The following ANKS1B variants were observed in gnomAD, a reference collection of about 807,000 sequenced individuals.
ANKS1B encodes ankyrin repeat and sterile alpha motif domain containing 1B, also known as ankyrin repeat and sterile alpha motif domain-containing protein 1B.
Under a neutral mutation model 148.3 loss-of-function variants are expected in ANKS1B, and 36 were observed. That is an observed-to-expected ratio of 0.24 (90% CI 0.19 to 0.32). The LOEUF is 0.32. Among genes scored for constraint, ANKS1B ranks in the 10% least tolerant of loss-of-function variants. ANKS1B has a pLI of 1.00. For missense variants in ANKS1B, 1,157 were observed against 1,542.6 expected (o/e 0.75, Z 4.19); for synonymous variants, 542 against 560.8 (o/e 0.97, Z 0.47).
At chr12:99,508,938 T>C (rs2096737563) in intron 9 of ANKS1B, among the ~76,000 whole-genome samples, 1 of 151,876 alleles carries the variant, frequency 6.6e-6, no homozygotes. Flanking sequence ...ATCAGCACCA[T>C]TTTTCCAACA....
intron 17 of ANKS1B, among the ~76,000 whole-genome samples, chr12:99,007,970 G>GC (rs955414591): frequency 6.6e-6 from 1 of 151,094 alleles, no homozygotes; most frequent in Non-Finnish European, 1.5e-5. Flanking sequence ...AGCTGTCCAA[G>GC]CCCCCCCACC....
intron 1 of ANKS1B, among the ~76,000 whole-genome samples, chr12:99,915,115 C>T (rs893914401): frequency 6.6e-6 from 1 of 151,064 alleles, no homozygotes; most frequent in Admixed American, 6.6e-5. Context: ...ATCCTAGCTA[C>T]TTGGGAGGCT....
chr12:99,646,618 A>G (rs1371284512), intron 9 of ANKS1B, among the ~76,000 whole-genome samples: 2 of 130,778 alleles, frequency 1.5e-5, no homozygotes, highest in East Asian at 5.2e-4. Flanking sequence ...CACGCCACTG[A>G]TTCCAGCCCG....
At chr12:99,252,077 T>C (rs1340350556) in intron 12 of ANKS1B, among the ~76,000 whole-genome samples, 2 of 152,224 alleles carry the variant, frequency 1.3e-5, no homozygotes, top group Non-Finnish European at 2.9e-5. Context: ...AGGAAGATGC[T>C]ATAAGGCAAT....
At chr12:99,566,368 T>C (rs1402123132) in intron 9 of ANKS1B, among the ~76,000 whole-genome samples, 2 of 152,186 alleles carry the variant, frequency 1.3e-5, no homozygotes, top group Non-Finnish European at 2.9e-5. Flanking sequence ...ATTTTGCTAA[T>C]AGTTCTGCAA....
Position 99,766,510 on chromosome 12 carries a change from T to C in ANKS1B, c.1128+6412A>G, listed in dbSNP as rs78182185. Among the ~76,000 whole-genome samples the C allele has an allele frequency of 1.7e-3, 261 of 152,272 alleles. 5 individuals are homozygous for C. The East Asian group carries it at 0.044, about 26-fold the overall frequency. ...TTCTGGATTTTTCCATTAATGTACC[T>C]ACAGTACATACGTGTGGTTAATGGT... On this transcript the variant is annotated intron_variant, in intron 8 of 26. Coordinates refer to ENST00000683438, the MANE Select transcript of ANKS1B (RefSeq NM_001352186.2).
chr12:98,957,239 A>T (rs9971780), intron 17 of ANKS1B, among the ~76,000 whole-genome samples: 64,630 of 151,824 alleles, frequency 0.43, 14,285 homozygotes, highest in African/African-American at 0.53. Flanking sequence ...AGCAATTGTT[A>T]ACTTGCTGCA....
At chr12:99,240,274 A>C (rs910888260) in intron 14 of ANKS1B, among the ~76,000 whole-genome samples, 2 of 152,224 alleles carry the variant, frequency 1.3e-5, no homozygotes, top group Non-Finnish European at 2.9e-5. Context: ...CTAGTCTCTG[A>C]TAAAACAGAT....
intron 4 of ANKS1B, among the ~76,000 whole-genome samples, chr12:99,789,590 A>G (rs899696889): frequency 6.6e-5 from 10 of 152,252 alleles, no homozygotes; most frequent in African/African-American, 2.4e-4. Flanking sequence ...ATTCTATCAG[A>G]TAAATTTAAC....
At chr12:98,849,230 T>TC (rs1486262979) in intron 17 of ANKS1B, among the ~76,000 whole-genome samples, 1 of 151,244 alleles carries the variant, frequency 6.6e-6, no homozygotes, top group South Asian at 2.1e-4. Flanking sequence ...CCCCAGCATT[T>TC]CTTTTTTTTT....
At chr12:99,105,975 C>T (rs1382604249) in intron 15 of ANKS1B, among the ~76,000 whole-genome samples, 1 of 152,054 alleles carries the variant, frequency 6.6e-6, no homozygotes, top group Non-Finnish European at 1.5e-5. Context: ...TGAAGCTGGT[C>T]TCCAACAAGA....
chr12:99,031,896 C>T (rs537422618), intron 17 of ANKS1B, among the ~76,000 whole-genome samples: 1 of 152,228 alleles, frequency 6.6e-6, no homozygotes, highest in South Asian at 2.1e-4. Context: ...ATTCAAACCC[C>T]AAATAAAAAC....
At chr12:99,395,619 T>C (rs943433987) in intron 12 of ANKS1B, among the ~76,000 whole-genome samples, 2 of 152,194 alleles carry the variant, frequency 1.3e-5, no homozygotes, top group Non-Finnish European at 1.5e-5. Context: ...TACATATTAA[T>C]ACTAGAGTGA....
intron 8 of ANKS1B, among the ~76,000 whole-genome samples, chr12:99,763,487 C>T (rs1414059386): frequency 6.6e-6 from 1 of 151,976 alleles, no homozygotes; most frequent in Non-Finnish European, 1.5e-5. Context: ...GAACTACAGA[C>T]AATGGGGCTT....
intron 10 of ANKS1B, among the ~76,000 whole-genome samples, chr12:99,446,111 T>C (rs2095633139): frequency 6.8e-6 from 1 of 147,568 alleles, no homozygotes; most frequent in Non-Finnish European, 1.5e-5. Flanking sequence ...AAAGGAAGCA[T>C]GATAAAAAAA....
intron 10 of ANKS1B, among the ~76,000 whole-genome samples, chr12:99,453,791 C>G (rs1451686328): frequency 6.6e-6 from 1 of 152,282 alleles, no homozygotes; most frequent in South Asian, 2.1e-4. Flanking sequence ...AGACTTTCAG[C>G]CTTGTTTTGA....
intron 17 of ANKS1B, among the ~76,000 whole-genome samples, chr12:98,967,435 A>G (rs1055414237): frequency 1.3e-5 from 2 of 151,880 alleles, no homozygotes; most frequent in Non-Finnish European, 2.9e-5. Flanking sequence ...GCCTCCATGT[A>G]TCTTCCTGGG....
chr12:99,367,279 A>G (rs1013319194), intron 12 of ANKS1B, among the ~76,000 whole-genome samples: 2 of 152,160 alleles, frequency 1.3e-5, no homozygotes, highest in Admixed American at 1.3e-4. Flanking sequence ...TCATAAAAAG[A>G]AGAGAAATGG....
intron 15 of ANKS1B, among the ~76,000 whole-genome samples, chr12:99,109,912 A>T (rs975755060): frequency 1.3e-5 from 2 of 152,166 alleles, no homozygotes; most frequent in African/African-American, 4.8e-5. Context: ...TTGCTTTAAG[A>T]TGAGGAAAGG....
Sources: allele counts gnomAD v4.1 joint callset (sites outside exome capture counted in the v4.1 genomes callset), GRCh38; gene constraint gnomAD v4.1.1; transcripts MANE v1.5; gene names NCBI Gene and HGNC (gene_info 2026-07-23, HGNC 2026-07-21).